The following AFAP1 variants were observed in gnomAD, a reference collection of about 807,000 sequenced individuals.
AFAP1 encodes the protein actin filament associated protein 1, also known as actin filament-associated protein 1.
A neutral mutation model predicts 93.9 loss-of-function variants in AFAP1; 75 were observed. The observed-to-expected ratio is 0.80, with a 90% CI of 0.66 to 0.97. The LOEUF (loss-of-function observed/expected upper bound fraction) is 0.97, where lower values mean the gene tolerates loss of function less well. AFAP1 is among the 50% of genes least tolerant of loss of function. The probability of loss-of-function intolerance (pLI) is 0.00; values close to 1 mark genes in which losing one functional copy is unlikely to be tolerated. For synonymous variants in AFAP1, 517 were observed against 430.7 expected, an observed-to-expected ratio of 1.20 and a Z score of -2.48; for missense variants, 1,201 against 1,050.8, an observed-to-expected ratio of 1.14 and a Z score of -1.98.
At chr4:7,903,672 G>C (rs2385908) in intron 1 of AFAP1, among the ~76,000 whole-genome samples, 69,259 of 151,704 alleles carry the variant, frequency 0.46, 18,120 homozygotes, top group Non-Finnish European at 0.61. Flanking sequence ...CAGCAAGACT[G>C]TGTCTCAAAA....
At chr4:7,823,542 A>G (rs1320235422) in intron 6 of AFAP1, among the ~76,000 whole-genome samples, 1 of 152,172 alleles carries the variant, frequency 6.6e-6, no homozygotes, top group Non-Finnish European at 1.5e-5. Flanking sequence ...AGCTCCTGGC[A>G]GACTCGCCTG....
chr4:7,915,149 G>C (rs1720015503), intron 1 of AFAP1, among the ~76,000 whole-genome samples: 1 of 152,230 alleles, frequency 6.6e-6, no homozygotes, highest in South Asian at 2.1e-4. Context: ...CTCCCAAAGT[G>C]CTGGGATGTC....
chr4:7,910,543 T>G (rs1719667803), intron 1 of AFAP1, among the ~76,000 whole-genome samples: 1 of 152,184 alleles, frequency 6.6e-6, no homozygotes, highest in African/African-American at 2.4e-5. Context: ...AATTGAGCAA[T>G]CAGCCTACCA....
intron 3 of AFAP1, among the ~76,000 whole-genome samples, 184 bp from the exon 4 acceptor site, chr4:7,855,758 C>T (rs548764578): frequency 2.6e-5 from 4 of 152,310 alleles, no homozygotes; most frequent in South Asian, 4.1e-4. Context: ...TACTTTCCTG[C>T]GCACATTCTT....
intron 1 of AFAP1, among the ~76,000 whole-genome samples, chr4:7,938,391 C>CT (rs1247093208): frequency 6.6e-6 from 1 of 152,184 alleles, no homozygotes; most frequent in Non-Finnish European, 1.5e-5. Context: ...AAGGGGAAAA[C>CT]TGTCCAGTTC....
At chr4:7,774,704 C>T (rs779982469) in intron 15 of AFAP1, 35 bp downstream of exon 15, 6 of 1,606,626 alleles carry the variant, frequency 3.7e-6, no homozygotes, top group South Asian at 2.2e-5. Flanking sequence ...CTAATACAAA[C>T]ATGCACCCTG....
chr4:7,817,191 G>A (rs1720552658), intron 7 of AFAP1, among the ~76,000 whole-genome samples: 1 of 152,154 alleles, frequency 6.6e-6, no homozygotes, highest in African/African-American at 2.4e-5. Flanking sequence ...AAGAAAAAGA[G>A]GTCTATCCTT....
Position 7,868,605 on chromosome 4 carries a change from G to A in AFAP1, c.225+17C>T, listed in dbSNP as rs748992827. ...GCCTCCAGCGATGACCACTGAGATGGTGGGACCTTGACTCACCAGCCAGGG... is the reference window on the plus strand; with the variant it reads ...GCCTCCAGCGATGACCACTGAGATGATGGGACCTTGACTCACCAGCCAGGG... On this transcript the variant is annotated intron_variant, in intron 3 of 17. Coordinates refer to ENST00000420658, the MANE Select transcript of AFAP1 (RefSeq NM_001134647.2). The A allele has an allele frequency of 2.5e-6, 4 of 1,607,600 alleles. No individual in the cohort carries two copies. In the African/African-American group the frequency reaches 5.3e-5, roughly 21 times the overall value.
At chr4:7,856,266 G>C (rs112983233) in intron 3 of AFAP1, among the ~76,000 whole-genome samples, 10,534 of 149,152 alleles carry the variant, frequency 0.071, 508 homozygotes, top group African/African-American at 0.13. Flanking sequence ...TTTTTGAGTT[G>C]GAGTCTTGCT....
At chr4:7,932,010 G>A (rs191052421) in intron 1 of AFAP1, among the ~76,000 whole-genome samples, 4 of 152,012 alleles carry the variant, frequency 2.6e-5, no homozygotes, top group African/African-American at 9.6e-5. Context: ...ACAGGCACCC[G>A]CCACCATGCC....
intron 1 of AFAP1, among the ~76,000 whole-genome samples, chr4:7,938,339 G>C (rs965454952): frequency 2.6e-5 from 4 of 152,194 alleles, no homozygotes; most frequent in Admixed American, 2.6e-4. Flanking sequence ...TGGACTCCTT[G>C]AGCCTTCTGC....
intron 3 of AFAP1, among the ~76,000 whole-genome samples, chr4:7,865,734 C>T (rs1007777491): frequency 2.0e-5 from 3 of 152,194 alleles, no homozygotes; most frequent in African/African-American, 4.8e-5. Flanking sequence ...AAACTGGCAT[C>T]CCTCTGCTAC....
chr4:7,834,106 C>CACACACACAG (rs1711979790), intron 6 of AFAP1, among the ~76,000 whole-genome samples: 1 of 136,712 alleles, frequency 7.3e-6, no homozygotes, highest in Non-Finnish European at 1.5e-5. Context: ...CACACACACA[C>CACACACACAG]ACACACACAC....
rs375866046 is a variant in AFAP1, at chr4:7,786,501, T to C, written c.1413-190A>G. 7.2e-5 allele frequency among the ~76,000 whole-genome samples: 11 copies of C among 152,220 alleles called. No homozygotes were observed. The East Asian group carries it at 9.6e-4, about 13-fold the overall frequency. On this transcript the variant is annotated intron_variant, in intron 11 of 17. Transcript: ENST00000420658. Reference sequence around the variant, plus strand: ...GAGGGACTGTCCTATAAAATTAGGATGGCACATAATCTGCAGAACTGCGGC... The same window carrying C: ...GAGGGACTGTCCTATAAAATTAGGACGGCACATAATCTGCAGAACTGCGGC...
Position 7,768,814 on chromosome 4 carries a change from A to G in AFAP1, c.2418+30T>C, listed in dbSNP as rs1211126509. The G allele has an allele frequency of 3.9e-6, 6 of 1,536,646 alleles. No individual in the cohort carries two copies. In the South Asian group the frequency reaches 6.2e-5, roughly 16 times the overall value. Reference sequence around the variant, plus strand: ...GGAGCTTAAAGTGCCTGCCCAGGACACCCAGACACCCCCGGACATCAGGGC... The same window carrying G: ...GGAGCTTAAAGTGCCTGCCCAGGACGCCCAGACACCCCCGGACATCAGGGC... On this transcript the variant is annotated intron_variant, in intron 17 of 17. Transcript: ENST00000420658.
At chr4:7,783,638 A>G (rs1716990349) in intron 12 of AFAP1, among the ~76,000 whole-genome samples, 1 of 152,238 alleles carries the variant, frequency 6.6e-6, no homozygotes, top group Non-Finnish European at 1.5e-5. Flanking sequence ...TAGGAATGGC[A>G]GACCTTTGTT....
At chr4:7,768,777 C>T in intron 17 of AFAP1, 67 bp downstream of exon 17, 1 of 1,474,504 alleles carries the variant, frequency 6.8e-7, no homozygotes, top group Non-Finnish European at 9.0e-7. Flanking sequence ...CTACTCACAC[C>T]CGAGAATGCT....
rs2149115607 is a variant in AFAP1, at chr4:7,843,139, C to G, written c.546G>C (p.Leu182=). 2.5e-6 allele frequency: 4 copies of G among 1,613,510 alleles called. No homozygotes were observed. The highest frequency in any genetic ancestry group is 1.1e-5 in the South Asian group (1 of 91,020). The change falls in exon 5 of 18, where the codon CTG becomes CTC. Residue 182 remains leucine, a splice_region_variant and synonymous_variant. Coordinates refer to ENST00000420658, the MANE Select transcript of AFAP1 (RefSeq NM_001134647.2). ...LLCVIKDTKL[L]CYKSSKDQQP... ...ATGCAAGCGATTCCAAATGTCTTAC[C>G]AGCAGTTTGGTGTCTTTGATGACGC...
chr4:7,819,434 T>C (rs1394734402), intron 6 of AFAP1, among the ~76,000 whole-genome samples: 2 of 152,164 alleles, frequency 1.3e-5, no homozygotes, highest in Non-Finnish European at 2.9e-5. Context: ...TTTCATTCCA[T>C]GTAATTTATT....
Sources: allele counts gnomAD v4.1 joint callset (sites outside exome capture counted in the v4.1 genomes callset), GRCh38; gene constraint gnomAD v4.1.1; transcripts MANE v1.5; gene names NCBI Gene and HGNC (gene_info 2026-07-23, HGNC 2026-07-21).